QSOX2: variants seen among roughly 807,000 people sequenced by gnomAD.
QSOX2 encodes the protein sulfhydryl oxidase 2.
QSOX2 carries 46 observed loss-of-function variants against 61.7 expected under a neutral mutation model. The observed-to-expected ratio is 0.75, with a 90% CI of 0.59 to 0.95. QSOX2 has a LOEUF of 0.95. Ranked by LOEUF, QSOX2 falls within the 40% of genes least tolerant of loss-of-function variation. The pLI, the probability that QSOX2 is intolerant of heterozygous loss-of-function variation, is 0.00. For synonymous variants in QSOX2, 383 were observed against 388.4 expected, an observed-to-expected ratio of 0.99 and a Z score of 0.16; for missense variants, 879 against 918.9, an observed-to-expected ratio of 0.96 and a Z score of 0.56.
At position 136,208,883 on chromosome 9, in the gene QSOX2, C is replaced by T. The variant is rs1831810191; in HGVS notation, c.1942G>A (p.Ala648Thr). Residue 648 changes from alanine to threonine, a missense_variant, in exon 12 of 12, where the codon GCC becomes ACC. By Grantham distance (58) the Ala-to-Thr change is moderately conservative (BLOSUM62 0). Transcript: ENST00000358701. Reference sequence around the variant, plus strand: ...AAGTCAACCCCGAGGAAGGGTGCGGCCCCGCCCACCTCCTTGTGGGCCCCG... The same window carrying T: ...AAGTCAACCCCGAGGAAGGGTGCGGTCCCGCCCACCTCCTTGTGGGCCCCG... ...GPGAHKEVGG[A>T]APFLGVDFSS... 1.2e-6 allele frequency: 2 copies of T among 1,614,006 alleles called. No homozygotes were observed. The highest frequency in any genetic ancestry group is 1.7e-6 in the Non-Finnish European group (2 of 1,180,034).
At position 136,207,680 on chromosome 9, in the gene QSOX2, C is replaced by T. The variant is rs1211413563; in HGVS notation, c.*1048G>A. On this transcript the variant is annotated 3_prime_UTR_variant, in exon 12 of 12. Transcript: ENST00000358701. ...CAGGCAAAGGAAGCCTGGCCCCCTC[C>T]GTGGGCCGAGTGAGATGCTTGTGTG... 1.3e-5 allele frequency: 2 copies of T among 152,412 alleles called. No individual in the cohort carries two copies. Among genetic ancestry groups the T allele is most frequent in the African/African-American group, 4.8e-5 (2 of 41,456 alleles). 9.4% of individuals were successfully genotyped at this position (152,412 alleles called of 1,614,324 possible).
chr9:136,240,229 T>C (rs1271239726), intron 1 of QSOX2, among the ~76,000 whole-genome samples: 3 of 152,262 alleles, frequency 2.0e-5, no homozygotes, highest in South Asian at 4.1e-4. Context: ...TTAAAAATAC[T>C]TGGGAAATAA....
Position 136,245,515 on chromosome 9 carries a change from A to G in QSOX2, c.289T>C (p.Tyr97His). 1 of 1,594,354 alleles carries G rather than the reference A, an allele frequency of 6.3e-7. No individual in the cohort carries two copies. The highest frequency in any genetic ancestry group is 8.5e-7 in the Non-Finnish European group (1 of 1,177,572). Reference sequence around the variant, plus strand: ...GCCAGGGCCCGCCAAGTGGGCGCGTAGCCGATGCAGTGGCCACACCACGAC... The same window carrying G: ...GCCAGGGCCCGCCAAGTGGGCGCGTGGCCGATGCAGTGGCCACACCACGAC... ...YSSWCGHCIG[Y>H]APTWRALAGD... The change falls in exon 1 of 12, where the codon TAC (tyrosine) becomes CAC (histidine). Residue 97 changes from tyrosine (Y) to histidine (H), a missense_variant. Tyr to His is a moderately conservative substitution (Grantham distance 83, BLOSUM62 2). Transcript: ENST00000358701.
chr9:136,219,745 C>T (rs1831958949), intron 6 of QSOX2, among the ~76,000 whole-genome samples: 1 of 152,218 alleles, frequency 6.6e-6, no homozygotes, highest in Non-Finnish European at 1.5e-5. Context: ...TGACGTGGAG[C>T]TTGTTTCCAA....
intron 1 of QSOX2, among the ~76,000 whole-genome samples, chr9:136,240,448 G>C (rs1355545695): frequency 6.6e-6 from 1 of 152,206 alleles, no homozygotes; most frequent in African/African-American, 2.4e-5. Flanking sequence ...AAGGCAACTA[G>C]GGAGCTGTGT....
At chr9:136,213,220 C>T (rs551771479) in intron 10 of QSOX2, among the ~76,000 whole-genome samples, 18 of 150,670 alleles carry the variant, frequency 1.2e-4, no homozygotes, top group Admixed American at 2.7e-4. Flanking sequence ...CTCAGGCTCA[C>T]GCTTCAGAAG....
Position 136,223,972 on chromosome 9 carries a change from A to T in QSOX2, c.584+35T>A, listed in dbSNP as rs1044352813. The T allele has an allele frequency of 2.5e-6, 4 of 1,592,900 alleles. No individual in the cohort carries two copies. The highest frequency in any genetic ancestry group is 3.4e-6 in the Non-Finnish European group (4 of 1,161,498). On this transcript the variant is annotated intron_variant, in intron 4 of 11. Transcript: ENST00000358701. The surrounding 1 kb of genome is among the most constrained non-coding windows in gnomAD (Gnocchi z 4.4). ...TACGTTTCTTGCACAGTTCAACACG[A>T]GTCTAACGGCCGCCTTCTTCATGGA...
chr9:136,242,421 A>T (rs1830440218), intron 1 of QSOX2, among the ~76,000 whole-genome samples: 1 of 152,226 alleles, frequency 6.6e-6, no homozygotes, highest in South Asian at 2.1e-4. Flanking sequence ...AGGCGGCTGG[A>T]CACTCTAGGT....
chr9:136,218,372 G>C (rs762206134), intron 8 of QSOX2, among the ~76,000 whole-genome samples: 1 of 152,080 alleles, frequency 6.6e-6, no homozygotes, highest in African/African-American at 2.4e-5. Context: ...GGTGTGTGTG[G>C]GCCTCCGCTC....
chr9:136,236,747 AGCCCGTCCTGGGCCAGCGTCACCTGGT>A (rs1215696538), intron 1 of QSOX2, among the ~76,000 whole-genome samples: 1 of 150,676 alleles, frequency 6.6e-6, no homozygotes, highest in Non-Finnish European at 1.5e-5. Flanking sequence ...CGTCACCTGG[AGCCCGTCCTGGGCCAGCGTCACCTGGT>A]GCCCGTCCTG....
intron 1 of QSOX2, among the ~76,000 whole-genome samples, chr9:136,228,682 C>A (rs533190216): frequency 6.6e-6 from 1 of 152,320 alleles, no homozygotes; most frequent in East Asian, 1.9e-4. Flanking sequence ...AGGCACCCAG[C>A]AAATGGACCT....
At chr9:136,226,231 C>G (rs1307424839) in intron 2 of QSOX2, among the ~76,000 whole-genome samples, 1 of 152,224 alleles carries the variant, frequency 6.6e-6, no homozygotes, top group African/African-American at 2.4e-5. Flanking sequence ...GCAGTGGCAC[C>G]CGCAGGTACA....
In QSOX2 at chr9:136,207,187, G is replaced by A. The variant is rs1831775715; in HGVS notation, c.*1541C>T. On this transcript the variant is annotated 3_prime_UTR_variant, in exon 12 of 12. Transcript: ENST00000358701. ...TTCTCAGCCCAGCCATTCTGTGACA[G>A]TTGTTGAAAGAATCAGCTGTTGCCT... 1 of 152,236 alleles carries A rather than the reference G, an allele frequency of 6.6e-6. No individual in the cohort carries two copies. The highest frequency in any genetic ancestry group is 2.4e-5 in the African/African-American group (1 of 41,408). The allele number at this position is 152,236 out of a possible 1,614,324, so 9.4% of individuals were successfully genotyped here.
Position 136,211,319 on chromosome 9 carries a change from G to T in QSOX2, c.1494C>A (p.Asp498Glu). 1 of 1,614,216 alleles carries T rather than the reference G, an allele frequency of 6.2e-7. No homozygotes were observed. Among genetic ancestry groups the T allele is most frequent in the South Asian group, 1.1e-5 (1 of 91,086 alleles). The change falls in exon 11 of 12, where the codon GAC becomes GAA. Residue 498 changes from aspartate to glutamate, a missense_variant. Physicochemically the swap from Asp to Glu is conservative, Grantham distance 45. Transcript: ENST00000358701. ...TCTTCCACAGCCAGAGGATGGCTTG[G>T]TCTGGGGTTTTCACCGAGTCCATGG... ...KESMDSVKTPDQAILWLWKKH... is the reference protein window; with the variant it reads ...KESMDSVKTPEQAILWLWKKH...
In QSOX2 at chr9:136,209,961, C is replaced by T; in HGVS notation, c.1550-686G>A. On this transcript the variant is annotated intron_variant, in intron 11 of 11. Coordinates refer to ENST00000358701, the MANE Select transcript of QSOX2 (RefSeq NM_181701.4). This position sits in a 1 kb window ranked among gnomAD's most constrained non-coding sequence, Gnocchi z 5.6. ...TCCTAGCTCTCGGAGCCCCTGCGAC[C>T]CGACTTGCTGACACCTGGCCACCCT... 11 of 985,448 alleles carry T rather than the reference C, an allele frequency of 1.1e-5. No individual in the cohort carries two copies. The highest frequency in any genetic ancestry group is 1.3e-5 in the Non-Finnish European group (11 of 829,934). 61.0% of individuals were successfully genotyped at this position (985,448 alleles called of 1,614,324 possible). A position where few individuals can be genotyped will look rare whatever the true frequency, so the allele number is the denominator to read the frequency against.
intron 2 of QSOX2, among the ~76,000 whole-genome samples, chr9:136,226,062 C>A (rs1830277313): frequency 6.6e-6 from 1 of 152,164 alleles, no homozygotes; most frequent in Non-Finnish European, 1.5e-5. Flanking sequence ...ACAACAGCCC[C>A]CAAAATACAA....
At chr9:136,211,527 T>TG (rs1049382640) in intron 10 of QSOX2, 75 bp from the exon 11 acceptor site, 3 of 1,506,774 alleles carry the variant, frequency 2.0e-6, no homozygotes, top group Admixed American at 3.6e-5. Flanking sequence ...CCAGAGAGCC[T>TG]GGGGGGAAAC....
rs77379776 is a variant in QSOX2 at position 136,222,954 on chromosome 9, G to A, written c.675+809C>T. ...GCCAACCATCTGGAGGCAGCCTGGC[G>A]TCACCATCAAACCTGGAGGGGGCGG... On this transcript the variant is annotated intron_variant, in intron 5 of 11. Transcript: ENST00000358701. The surrounding 1 kb of genome is among the most constrained non-coding windows in gnomAD (Gnocchi z 6.9). Among the ~76,000 whole-genome samples the A allele has an allele frequency of 0.017, 2,543 of 152,336 alleles. 63 individuals are homozygous for A. The highest frequency in any genetic ancestry group is 0.057 in the African/African-American group (2,380 of 41,574).
At chr9:136,228,835 C>T (rs62579021) in intron 1 of QSOX2, among the ~76,000 whole-genome samples, 3 of 152,170 alleles carry the variant, frequency 2.0e-5, no homozygotes, top group Admixed American at 6.5e-5. Context: ...CCTTGTATTC[C>T]GATTCTGCCC....
Sources: gnomAD v4.1 joint callset for allele counts (sites outside exome capture counted in the v4.1 genomes callset) on GRCh38, gnomAD v4.1.1 for gene constraint, Gnocchi (gnomAD v3.1) non-coding constraint, MANE v1.5 for transcripts, NCBI Gene and HGNC (gene_info 2026-07-23, HGNC 2026-07-21) for gene names.